Variants in CAMK1D observed in about 807,000 individuals in gnomAD.
The protein encoded by CAMK1D is calcium/calmodulin dependent protein kinase ID.
Under a neutral mutation model 47.7 loss-of-function variants are expected in CAMK1D, and 9 were observed. That is an observed-to-expected ratio of 0.19 (90% CI 0.11 to 0.33). The LOEUF is 0.33. Among genes scored for constraint, CAMK1D ranks in the 10% least tolerant of loss-of-function variants. The probability of loss-of-function intolerance (pLI) is 1.00; values close to 1 mark genes in which losing one functional copy is unlikely to be tolerated. For missense variants in CAMK1D, 291 were observed against 488.7 expected (o/e 0.60, Z 3.81); for synonymous variants, 184 against 184.9 (o/e 0.99, Z 0.04).
intron 3 of CAMK1D, among the ~76,000 whole-genome samples, chr10:12,734,779 G>T (rs1835107396): frequency 6.6e-6 from 1 of 151,848 alleles, no homozygotes; most frequent in South Asian, 2.1e-4. Flanking sequence ...TATCAAATTT[G>T]CTTTCTCTTT....
chr10:12,421,629 G>A (rs891983959), intron 1 of CAMK1D, among the ~76,000 whole-genome samples: 1 of 137,688 alleles, frequency 7.3e-6, no homozygotes, highest in Non-Finnish European at 1.5e-5. Context: ...GGGTTCAAGC[G>A]ATTCTTCTGC....
At chr10:12,491,623 A>C (rs960359974) in intron 1 of CAMK1D, among the ~76,000 whole-genome samples, 12 of 152,068 alleles carry the variant, frequency 7.9e-5, no homozygotes, top group Non-Finnish European at 2.9e-5. Flanking sequence ...CTCACCTATG[A>C]AGCGGTGAAA....
chr10:12,764,385 A>AAAAAAAC (rs1554822768), intron 4 of CAMK1D, among the ~76,000 whole-genome samples: 3 of 151,160 alleles, frequency 2.0e-5, no homozygotes, highest in Admixed American at 1.3e-4. Flanking sequence ...TTGTCTCAAA[A>AAAAAAAC]AAAAAAAAAA....
intron 2 of CAMK1D, among the ~76,000 whole-genome samples, chr10:12,593,759 C>G (rs1230916526): frequency 6.6e-6 from 1 of 152,194 alleles, no homozygotes. Flanking sequence ...TTCCTCCCCT[C>G]TCTCCTAAAT....
At chr10:12,627,236 C>G (rs903922779) in intron 2 of CAMK1D, among the ~76,000 whole-genome samples, 3 of 151,932 alleles carry the variant, frequency 2.0e-5, no homozygotes, top group Non-Finnish European at 4.4e-5. Context: ...TGCCTGCCAC[C>G]ACGCCCAGCT....
At chr10:12,618,805 G>A (rs1282713202) in intron 2 of CAMK1D, among the ~76,000 whole-genome samples, 2 of 152,174 alleles carry the variant, frequency 1.3e-5, no homozygotes, top group African/African-American at 4.8e-5. Flanking sequence ...AGTAATAATA[G>A]TTGCAGTTTA....
At chr10:12,639,450 A>G (rs150649010) in intron 2 of CAMK1D, among the ~76,000 whole-genome samples, 1,866 of 152,306 alleles carry the variant, frequency 0.012, 39 homozygotes, top group African/African-American at 0.042. Flanking sequence ...ACGCCATCGC[A>G]CTCCAGCTTG....
At chr10:12,531,287 T>C (rs887877588) in intron 1 of CAMK1D, among the ~76,000 whole-genome samples, 4 of 152,174 alleles carry the variant, frequency 2.6e-5, no homozygotes, top group Non-Finnish European at 5.9e-5. Context: ...ACGTAGTATA[T>C]ATTAAGGACC....
intron 1 of CAMK1D, among the ~76,000 whole-genome samples, chr10:12,424,302 A>G (rs1840154903): frequency 6.6e-6 from 1 of 151,900 alleles, no homozygotes; most frequent in Non-Finnish European, 1.5e-5. Context: ...GTGGCCTGAC[A>G]TTCTCCTCTT....
intron 1 of CAMK1D, among the ~76,000 whole-genome samples, chr10:12,395,715 G>A (rs1838919726): frequency 6.6e-6 from 1 of 151,922 alleles, no homozygotes; most frequent in Admixed American, 6.6e-5. Flanking sequence ...AGGAGTTCGA[G>A]ACCAGCCTAG....
intron 1 of CAMK1D, among the ~76,000 whole-genome samples, chr10:12,360,013 C>T (rs1342454933): frequency 1.3e-5 from 2 of 152,178 alleles, no homozygotes; most frequent in South Asian, 2.1e-4. Flanking sequence ...CATGATTTCT[C>T]CTCTTGACCT....
intron 2 of CAMK1D, among the ~76,000 whole-genome samples, chr10:12,658,077 G>C (rs1408436210): frequency 4.6e-5 from 7 of 152,126 alleles, no homozygotes; most frequent in Non-Finnish European, 1.5e-5. Context: ...GAGCCCAGGA[G>C]GTGGAGGTTG....
intron 1 of CAMK1D, among the ~76,000 whole-genome samples, chr10:12,376,018 C>A (rs1838166270): frequency 6.6e-6 from 1 of 151,664 alleles, no homozygotes; most frequent in Admixed American, 6.6e-5. Flanking sequence ...CAAAAATCAG[C>A]CAGGTGTGGT....
Position 12,828,749 on chromosome 10 carries a change from A to G in CAMK1D, c.1040-20A>G, listed in dbSNP as rs1564595366. The G allele has an allele frequency of 6.3e-7, 1 of 1,582,760 alleles. No individual in the cohort carries two copies. Among genetic ancestry groups the G allele is most frequent in the Non-Finnish European group, 8.6e-7 (1 of 1,156,224 alleles). ...ATTTACCTCTGAAACTCTGAAGCCC[A>G]CTTCTGCTGTTCCCTGCAGGTCTGG... On this transcript the variant is annotated intron_variant, in intron 10 of 10. Transcript: ENST00000619168.
At chr10:12,395,065 A>ATTT (rs5783265) in intron 1 of CAMK1D, among the ~76,000 whole-genome samples, 3 of 94,722 alleles carry the variant, frequency 3.2e-5, no homozygotes, top group Non-Finnish European at 6.1e-5. Context: ...TAAAATTTTA[A>ATTT]TTTTTTTTTT....
intron 1 of CAMK1D, among the ~76,000 whole-genome samples, chr10:12,438,996 G>T (rs1005413795): frequency 6.6e-6 from 1 of 151,936 alleles, no homozygotes; most frequent in Non-Finnish European, 1.5e-5. Context: ...CAGCTTTCTG[G>T]TGCAGGCTCT....
At chr10:12,821,934 A>G (rs35984060) in intron 8 of CAMK1D, among the ~76,000 whole-genome samples, 9,388 of 152,238 alleles carry the variant, frequency 0.062, 321 homozygotes, top group Middle Eastern at 0.11. Context: ...AGATCGCACC[A>G]CTGCCCTCCA....
At chr10:12,786,295 C>CA (rs765918250) in intron 5 of CAMK1D, among the ~76,000 whole-genome samples, 25 of 152,106 alleles carry the variant, frequency 1.6e-4, no homozygotes, top group Non-Finnish European at 3.1e-4. Flanking sequence ...TTAAGACGGT[C>CA]ACCAGAAGAC....
At chr10:12,577,308 A>G (rs1837520821) in intron 2 of CAMK1D, among the ~76,000 whole-genome samples, 1 of 152,190 alleles carries the variant, frequency 6.6e-6, no homozygotes, top group Non-Finnish European at 1.5e-5. Context: ...ACTAGGAACT[A>G]TGCCTCCAGC....
Sources: gnomAD v4.1 joint callset for allele counts (sites outside exome capture counted in the v4.1 genomes callset) on GRCh38, gnomAD v4.1.1 for gene constraint, MANE v1.5 for transcripts, NCBI Gene and HGNC (gene_info 2026-07-23, HGNC 2026-07-21) for gene names.